The following DNAAF1 variants were observed in gnomAD, a reference collection of about 807,000 sequenced individuals.
DNAAF1 encodes dynein assembly factor 1, axonemal.
Under a neutral mutation model 71.1 loss-of-function variants are expected in DNAAF1, and 65 were observed. That is an observed-to-expected ratio of 0.91 (90% CI 0.75 to 1.12). The LOEUF is 1.12. Ranked by LOEUF, DNAAF1 falls within the 50% of genes most tolerant of loss-of-function variation. The pLI is 0.00. For synonymous variants in DNAAF1, 414 were observed against 354.6 expected (o/e 1.17, Z -1.88); for missense variants, 1,178 against 899.8 (o/e 1.31, Z -3.96).
chr16:84,147,549 G>A (rs1597393336), intron 1 of DNAAF1, among the ~76,000 whole-genome samples: 1 of 151,594 alleles, frequency 6.6e-6, no homozygotes, highest in Non-Finnish European at 1.5e-5. Flanking sequence ...ATCTCACTAT[G>A]TTACCCAGGC....
In DNAAF1 at chr16:84,172,253, T is replaced by G; in HGVS notation, c.1529-7T>G. The G allele has an allele frequency of 6.2e-7, 1 of 1,613,588 alleles. No individual in the cohort carries two copies. The highest frequency in any genetic ancestry group is 8.5e-7 in the Non-Finnish European group (1 of 1,179,810). Reference sequence around the variant, plus strand: ...AACTAACTCCAAGACTTGTTGTTGCTCTTTAGAACCGACTCCCCAGGCTGT... The same window carrying G: ...AACTAACTCCAAGACTTGTTGTTGCGCTTTAGAACCGACTCCCCAGGCTGT... On this transcript the variant is annotated splice_polypyrimidine_tract_variant and splice_region_variant and intron_variant, in intron 8 of 11. Coordinates refer to ENST00000378553, the MANE Select transcript of DNAAF1 (RefSeq NM_178452.6).
chr16:84,150,616 C>CTTTTT (rs754336069), intron 3 of DNAAF1, among the ~76,000 whole-genome samples: 5 of 130,352 alleles, frequency 3.8e-5, no homozygotes, highest in Non-Finnish European at 6.4e-5. Context: ...TCTTTTCTTT[C>CTTTTT]TTTTTTTTTT....
rs142601761 is a variant in DNAAF1 at position 84,159,701 on chromosome 16, G to A, written c.768G>A (p.Pro256=). 104 of 1,613,606 alleles carry A rather than the reference G, an allele frequency of 6.4e-5. No individual in the cohort carries two copies. Among genetic ancestry groups the A allele is most frequent in the East Asian group, 1.1e-4 (5 of 44,856 alleles). Residue 256 remains proline (P), a synonymous_variant, in exon 6 of 12, where the codon CCG becomes CCA. Transcript: ENST00000378553. ...DLRVLNLMGN[P]VIRQIPNYRR... ...GTGTACTGAATTTGATGGGAAACCCGGTTATCAGACAGATTCCTAATTACA... is the reference window on the plus strand; with the variant it reads ...GTGTACTGAATTTGATGGGAAACCCAGTTATCAGACAGATTCCTAATTACA...
intron 9 of DNAAF1, chr16:84,172,792 C>G (rs571291591): frequency 1.9e-6 from 2 of 1,071,134 alleles, no homozygotes; most frequent in African/African-American, 1.7e-5. Flanking sequence ...TCTTTTCCCC[C>G]CTCCGTGGAC....
chr16:84,172,845 C>G, intron 9 of DNAAF1: 1 of 1,040,024 alleles, frequency 9.6e-7, no homozygotes, highest in Non-Finnish European at 1.2e-6. Flanking sequence ...CCTTCTGGCT[C>G]ATGGAGGTGT....
intron 1 of DNAAF1, among the ~76,000 whole-genome samples, chr16:84,146,355 G>A (rs990186580): frequency 6.6e-6 from 1 of 152,142 alleles, no homozygotes; most frequent in Non-Finnish European, 1.5e-5. Context: ...TAGAGAGTCC[G>A]AATGAAGACT....
chr16:84,163,980 CT>C lies in DNAAF1; in HGVS notation c.864-1798del, dbSNP rs968703691. On this transcript the variant is annotated intron_variant, in intron 6 of 11. Transcript: ENST00000378553. ...CCACCATGCCTGGCTAGTTTTTGTG[CT>C]TTTTGTAGAGACGGGGTCTTGCCAT... Among the ~76,000 whole-genome samples, 13 of 151,778 alleles carry C rather than the reference CT, an allele frequency of 8.6e-5. No homozygotes were observed. The East Asian group carries it at 2.1e-3, about 25-fold the overall frequency.
At chr16:84,152,901 G>A (rs935690957) in intron 3 of DNAAF1, among the ~76,000 whole-genome samples, 1 of 151,514 alleles carries the variant, frequency 6.6e-6, no homozygotes, top group African/African-American at 2.4e-5. Flanking sequence ...AGGTTACAGT[G>A]AGCCGAGATT....
chr16:84,174,779 G>A (rs2088564234), intron 10 of DNAAF1, 57 bp downstream of exon 10: 3 of 1,606,606 alleles, frequency 1.9e-6, no homozygotes. Context: ...CTTCGTTCTT[G>A]TCGTTTACCG....
rs572116489 is a variant in DNAAF1, at chr16:84,149,231, T to C, written c.260+89T>C. 1.0e-4 allele frequency: 152 copies of C among 1,527,436 alleles called. 2 individuals are homozygous for C. In the South Asian group the frequency reaches 1.6e-3, roughly 16 times the overall value. The allele number at this position is 1,527,436 out of a possible 1,614,324, so 94.6% of individuals were successfully genotyped here. ...CTTGTACGGATAATGAAATAGAGGC[T>C]GGTAGAGATTGAATTGCCTGCCCAA... On this transcript the variant is annotated intron_variant, in intron 2 of 11. Coordinates refer to ENST00000378553, the MANE Select transcript of DNAAF1 (RefSeq NM_178452.6).
intron 5 of DNAAF1, 92 bp downstream of exon 5, chr16:84,155,841 C>T (rs141078499): frequency 6.9e-7 from 1 of 1,444,884 alleles, no homozygotes; most frequent in African/African-American, 1.4e-5. Context: ...TCTTTTCTCT[C>T]CTTCCTGCCT....
intron 11 of DNAAF1, chr16:84,176,680 C>T: frequency 5.7e-6 from 2 of 350,410 alleles, no homozygotes; most frequent in South Asian, 2.4e-5. Flanking sequence ...TGGAGGGGAC[C>T]ACCAACACCA....
chr16:84,165,627 C>T (rs1272896945), intron 6 of DNAAF1, among the ~76,000 whole-genome samples, 156 bp from the exon 7 acceptor site: 1 of 152,096 alleles, frequency 6.6e-6, no homozygotes, highest in African/African-American at 2.4e-5. Flanking sequence ...GACTGTTCCA[C>T]CTTAAATAAT....
rs1387490675 is a variant in DNAAF1 at position 84,155,658 on chromosome 16, A to C, written c.650A>C (p.Gln217Pro). The C allele has an allele frequency of 2.5e-6, 4 of 1,614,142 alleles. No individual in the cohort carries two copies. The highest frequency in any genetic ancestry group is 3.4e-6 in the Non-Finnish European group (4 of 1,180,020). ...LETVEDIQHL[Q>P]ECLRLCVLDL... ...ACCGTGGAGGACATTCAGCATCTACAAGAGTGTTTGAGGCTTTGTGTCCTT... is the reference window on the plus strand; with the variant it reads ...ACCGTGGAGGACATTCAGCATCTACCAGAGTGTTTGAGGCTTTGTGTCCTT... The change falls in exon 5 of 12, where the codon CAA (glutamine) becomes CCA (proline). Residue 217 changes from glutamine to proline, a missense_variant. Gln to Pro is a moderately conservative substitution (Grantham distance 76, BLOSUM62 -1). Coordinates refer to ENST00000378553, the MANE Select transcript of DNAAF1 (RefSeq NM_178452.6).
Position 84,169,923 on chromosome 16 carries a change from T to G in DNAAF1, c.1095T>G (p.Pro365=). 6.2e-7 allele frequency: 1 copy of G among 1,614,120 alleles called. No homozygotes were observed. Among genetic ancestry groups the G allele is most frequent in the Non-Finnish European group, 8.5e-7 (1 of 1,180,026 alleles). The change falls in exon 8 of 12, where the codon CCT becomes CCG. Residue 365 remains proline, a synonymous_variant. Transcript: ENST00000378553. ...VPASAEGKEE[P]PGDRETRQKM... Reference sequence around the variant, plus strand: ...CCAGTGCGGAAGGCAAGGAGGAGCCTCCCGGGGACAGAGAAACAAGGCAGA... The same window carrying G: ...CCAGTGCGGAAGGCAAGGAGGAGCCGCCCGGGGACAGAGAAACAAGGCAGA...
chr16:84,170,323 C>A lies in DNAAF1; in HGVS notation c.1495C>A (p.Pro499Thr), dbSNP rs201519478. 690 of 1,611,784 alleles carry A rather than the reference C, an allele frequency of 4.3e-4. 10 individuals are homozygous for A. The highest frequency in any genetic ancestry group is 7.1e-5 in the Non-Finnish European group (84 of 1,179,164). ...AGAGGGGACCCTCCCAGCTGAGGCC[C>A]CACCACCACCGCCCCTGGGAGCTGC... ...EPEGTLPAEA[P>T]PPPPLGAARE... The change falls in exon 8 of 12, where the codon CCA becomes ACA. Residue 499 changes from proline (P) to threonine (T), a missense_variant. Coordinates refer to ENST00000378553, the MANE Select transcript of DNAAF1 (RefSeq NM_178452.6).
chr16:84,163,474 A>T (rs892597745), intron 6 of DNAAF1, among the ~76,000 whole-genome samples: 25 of 150,898 alleles, frequency 1.7e-4, no homozygotes, highest in African/African-American at 5.1e-4. Flanking sequence ...TCTGTCTCCC[A>T]GGTTCAAGCA....
intron 8 of DNAAF1, among the ~76,000 whole-genome samples, chr16:84,171,909 G>A (rs141673682): frequency 0.033 from 4,795 of 145,620 alleles, 249 homozygotes; most frequent in African/African-American, 0.12. Flanking sequence ...ATGAAGTCTC[G>A]CTCTATCACC....
In DNAAF1 at chr16:84,148,096, T is replaced by C. The variant is rs537396570; in HGVS notation, c.125-911T>C. On this transcript the variant is annotated intron_variant, in intron 1 of 11. Transcript: ENST00000378553. ...AAAAAAAGAAATAAAACATTTCACA[T>C]AGAGTTGGTGTTCCTTTTCTCCCCT... Among the ~76,000 whole-genome samples the C allele has an allele frequency of 1.0e-3, 156 of 152,132 alleles. 4 individuals are homozygous for C. In the South Asian group the frequency reaches 0.03, roughly 29 times the overall value.
Sources: allele counts gnomAD v4.1 joint callset (sites outside exome capture counted in the v4.1 genomes callset), GRCh38; gene constraint gnomAD v4.1.1; transcripts MANE v1.5; gene names NCBI Gene and HGNC (gene_info 2026-07-23, HGNC 2026-07-21).